Variants in ADD3 observed in about 807,000 individuals in gnomAD.
ADD3 encodes the protein adducin 3.
In ADD3, 25 loss-of-function variants were observed where a neutral mutation model predicts 80.2. The observed-to-expected ratio is 0.31, with a 90% CI of 0.23 to 0.44. The LOEUF is 0.44. Ranked by LOEUF, ADD3 falls within the 20% of genes least tolerant of loss-of-function variation. The probability of loss-of-function intolerance (pLI) is 1.00; values close to 1 mark genes in which losing one functional copy is unlikely to be tolerated. For missense variants in ADD3, 829 were observed against 847.5 expected, an observed-to-expected ratio of 0.98 and a Z score of 0.27; for synonymous variants, 284 against 289.6, an observed-to-expected ratio of 0.98 and a Z score of 0.20.
chr10:110,079,447 AGAGAGAGAGAGAGAGTGT>A (rs1417196067), intron 1 of ADD3: 48 of 135,142 alleles, frequency 3.6e-4, no homozygotes, highest in African/African-American at 1.2e-3. Flanking sequence ...AGAGAGAGAG[AGAGAGAGAGAGAGAGTGT>A]GTGTGTGTGT....
intron 1 of ADD3, among the ~76,000 whole-genome samples, chr10:110,021,221 G>C (rs557029926): frequency 1.3e-5 from 2 of 152,264 alleles, no homozygotes; most frequent in East Asian, 3.9e-4. Flanking sequence ...ATTTTCTCTA[G>C]GGATTGAACA....
chr10:110,126,567 A>T, intron 12 of ADD3, 64 bp downstream of exon 12: 1 of 1,158,540 alleles, frequency 8.6e-7, no homozygotes, highest in Admixed American at 2.0e-5. Context: ...TTGATTTTTA[A>T]ATATGAATAT....
chr10:110,011,887 G>A (rs4145918), intron 1 of ADD3, among the ~76,000 whole-genome samples: 142,086 of 152,298 alleles, frequency 0.93, 66,507 homozygotes, highest in East Asian at 1. Flanking sequence ...CAGAGATTCA[G>A]TTCTCTTGGC....
At chr10:110,073,138 C>CTT (rs1189793476) in intron 1 of ADD3, among the ~76,000 whole-genome samples, 1,548 of 94,184 alleles carry the variant, frequency 0.016, 153 homozygotes, top group African/African-American at 0.06. Flanking sequence ...TTTTAGTTTT[C>CTT]TTTTTTTTTT....
intron 2 of ADD3, among the ~76,000 whole-genome samples, chr10:110,101,942 T>A (rs1311198635): frequency 6.6e-6 from 1 of 152,182 alleles, no homozygotes; most frequent in East Asian, 1.9e-4. Context: ...TAGAGCTGCC[T>A]GAAGTAGCCC....
upstream of ADD3, among the ~76,000 whole-genome samples, chr10:110,004,261 G>A (rs555247464): frequency 7.3e-5 from 11 of 151,722 alleles, no homozygotes; most frequent in African/African-American, 2.4e-4. Context: ...GAGGCCGGGT[G>A]CGGTGGCTCA....
intron 1 of ADD3, among the ~76,000 whole-genome samples, chr10:110,084,167 G>A (rs572444869): frequency 6.6e-6 from 1 of 152,266 alleles, no homozygotes; most frequent in African/African-American, 2.4e-5. Flanking sequence ...AAAAAGCTGA[G>A]TCATGAAGTT....
At chr10:110,031,271 C>T (rs1356926855) in intron 1 of ADD3, among the ~76,000 whole-genome samples, 1 of 152,098 alleles carries the variant, frequency 6.6e-6, no homozygotes, top group African/African-American at 2.4e-5. Flanking sequence ...AAAACTCTGT[C>T]CCTCAAAAAA....
intron 1 of ADD3, among the ~76,000 whole-genome samples, chr10:110,069,227 G>T (rs781250291): frequency 6.6e-6 from 1 of 152,084 alleles, no homozygotes; most frequent in African/African-American, 2.4e-5. Flanking sequence ...CTCTCAGGTT[G>T]TCATGATTGT....
At chr10:110,128,593 A>G (rs1852501136) in intron 12 of ADD3, among the ~76,000 whole-genome samples, 1 of 151,502 alleles carries the variant, frequency 6.6e-6, no homozygotes, top group South Asian at 2.1e-4. Context: ...TTTTTTTTGT[A>G]TTTTTAGTAG....
intron 1 of ADD3, among the ~76,000 whole-genome samples, chr10:110,023,561 A>G (rs988015741): frequency 1.1e-4 from 17 of 152,166 alleles, no homozygotes; most frequent in African/African-American, 3.9e-4. Context: ...CGAAATCTAA[A>G]TGTGGCATTT....
chr10:110,088,292 A>C (rs1371130582), intron 1 of ADD3, among the ~76,000 whole-genome samples: 2 of 152,224 alleles, frequency 1.3e-5, no homozygotes, highest in Non-Finnish European at 2.9e-5. Flanking sequence ...CTAAAAGATG[A>C]TACATTTGAA....
At chr10:110,043,925 C>A (rs899248650) in intron 1 of ADD3, among the ~76,000 whole-genome samples, 1 of 152,118 alleles carries the variant, frequency 6.6e-6, no homozygotes, top group Admixed American at 6.6e-5. Context: ...ATTTGTTGAA[C>A]AGGCCGGGTG....
At chr10:110,035,633 C>T (rs192803399) in intron 1 of ADD3, among the ~76,000 whole-genome samples, 2 of 152,226 alleles carry the variant, frequency 1.3e-5, no homozygotes, top group African/African-American at 4.8e-5. Flanking sequence ...TAGTGGTACT[C>T]AGACTTTAGC....
chr10:110,073,854 A>C (rs576402381), intron 1 of ADD3, among the ~76,000 whole-genome samples: 1 of 152,200 alleles, frequency 6.6e-6, no homozygotes, highest in South Asian at 2.1e-4. Flanking sequence ...GAACCCATGG[A>C]AGCAGCCACC....
intron 1 of ADD3, among the ~76,000 whole-genome samples, chr10:110,043,761 C>A (rs977847752): frequency 1.3e-5 from 2 of 152,114 alleles, no homozygotes; most frequent in East Asian, 1.9e-4. Context: ...GAAATAGATT[C>A]TTTTCTCAAG....
intron 2 of ADD3, among the ~76,000 whole-genome samples, chr10:110,101,508 A>C (rs1240668233): frequency 6.6e-6 from 1 of 151,878 alleles, no homozygotes; most frequent in Non-Finnish European, 1.5e-5. Flanking sequence ...GGTGGTGTGC[A>C]CATGTAGTCC....
intron 1 of ADD3, among the ~76,000 whole-genome samples, chr10:110,035,975 A>G (rs573052512): frequency 6.6e-6 from 1 of 151,854 alleles, no homozygotes; most frequent in Admixed American, 6.6e-5. Flanking sequence ...ACATGATGAA[A>G]CTCGTCTCTA....
intron 1 of ADD3, among the ~76,000 whole-genome samples, chr10:110,091,331 G>A (rs770299352): frequency 6.6e-6 from 1 of 152,068 alleles, no homozygotes; most frequent in Non-Finnish European, 1.5e-5. Context: ...TTCCTTATTT[G>A]TGAGAAGAAC....
Sources: allele counts gnomAD v4.1 joint callset (sites outside exome capture counted in the v4.1 genomes callset), GRCh38; gene constraint gnomAD v4.1.1; transcripts MANE v1.5; gene names NCBI Gene and HGNC (gene_info 2026-07-23, HGNC 2026-07-21).